Variants in SUGCT observed in about 807,000 individuals in gnomAD.
SUGCT encodes the protein succinyl-CoA:glutarate-CoA transferase.
In SUGCT, 41 loss-of-function variants were observed where a neutral mutation model predicts 55.0. The ratio of observed to expected loss-of-function variants is 0.74; its 90% CI spans 0.58 to 0.97. The LOEUF (loss-of-function observed/expected upper bound fraction) is 0.97. Among genes scored for constraint, SUGCT ranks in the 50% least tolerant of loss-of-function variants. The pLI, the probability that SUGCT is intolerant of heterozygous loss-of-function variation, is 0.00. For synonymous variants in SUGCT, 187 were observed against 200.4 expected (o/e 0.93, Z 0.56); for missense variants, 568 against 547.8 (o/e 1.04, Z -0.37).
intron 12 of SUGCT, among the ~76,000 whole-genome samples, chr7:40,510,295 GAT>G (rs1310079209): frequency 2.6e-5 from 4 of 151,998 alleles, no homozygotes; most frequent in African/African-American, 7.3e-5. Flanking sequence ...GAGAAAATCT[GAT>G]ATAGAGGAAT....
intron 12 of SUGCT, among the ~76,000 whole-genome samples, chr7:40,707,434 T>C (rs1025387044): frequency 5.3e-5 from 8 of 152,156 alleles, no homozygotes; most frequent in African/African-American, 1.4e-4. Context: ...CTACAGGAAA[T>C]TGGGCTGCAA....
At chr7:40,354,620 G>T (rs560893964) in intron 9 of SUGCT, among the ~76,000 whole-genome samples, 1 of 144,406 alleles carries the variant, frequency 6.9e-6, no homozygotes, top group African/African-American at 2.6e-5. Flanking sequence ...AAGTAGAGAA[G>T]GCTGAGGATA....
At chr7:40,999,243 A>G in the SUGCT span, among the ~76,000 whole-genome samples, 58 of 151,356 alleles carry the variant, frequency 3.8e-4, no homozygotes, top group African/African-American at 1.4e-3. Context: ...ATTTTAAAGT[A>G]TTCTTCTTGT....
chr7:40,722,000 A>G (rs1214781224), intron 12 of SUGCT, among the ~76,000 whole-genome samples: 1 of 152,220 alleles, frequency 6.6e-6, no homozygotes, highest in Non-Finnish European at 1.5e-5. Context: ...GAAACCTTCA[A>G]CCAAAGGAAG....
the SUGCT span, among the ~76,000 whole-genome samples, chr7:40,931,132 G>T: frequency 2.0e-5 from 3 of 152,274 alleles, no homozygotes; most frequent in South Asian, 6.2e-4. Flanking sequence ...TTAGCATGAA[G>T]GGCAGTTGAA....
intron 12 of SUGCT, among the ~76,000 whole-genome samples, chr7:40,614,226 G>A (rs1391087872): frequency 6.6e-6 from 1 of 152,008 alleles, no homozygotes; most frequent in Admixed American, 6.6e-5. Flanking sequence ...TTCGAGAAGA[G>A]GACACATTCT....
intron 12 of SUGCT, chr7:40,539,652 G>A (rs752086637): frequency 1.3e-5 from 2 of 152,264 alleles, no homozygotes; most frequent in East Asian, 3.9e-4. Flanking sequence ...CTCTTCTTTG[G>A]ACTCCAATGT....
intron 13 of SUGCT, among the ~76,000 whole-genome samples, chr7:40,831,129 C>T (rs1411768969): frequency 3.3e-5 from 5 of 152,138 alleles, no homozygotes; most frequent in African/African-American, 4.8e-5. Context: ...CCTCATGCCA[C>T]GGCCTGTGCT....
At chr7:40,422,527 T>A (rs1331940973) in intron 9 of SUGCT, among the ~76,000 whole-genome samples, 5 of 152,164 alleles carry the variant, frequency 3.3e-5, no homozygotes, top group Admixed American at 3.3e-4. Context: ...ATGTCTTTTT[T>A]CTTTACTTAG....
At chr7:40,390,432 C>T (rs1433072976) in intron 9 of SUGCT, among the ~76,000 whole-genome samples, 4 of 152,180 alleles carry the variant, frequency 2.6e-5, no homozygotes, top group Non-Finnish European at 4.4e-5. Context: ...GCAACTTCAG[C>T]AAAGTCTCAG....
chr7:41,007,027 A>G, the SUGCT span, among the ~76,000 whole-genome samples: 9,767 of 152,202 alleles, frequency 0.064, 579 homozygotes, highest in South Asian at 0.19. Context: ...TTAAAGAAGA[A>G]GGGCCTCAGA....
At chr7:40,956,660 C>G in the SUGCT span, among the ~76,000 whole-genome samples, 1 of 124,004 alleles carries the variant, frequency 8.1e-6, no homozygotes, top group South Asian at 2.8e-4. Flanking sequence ...TTGTCTTCTT[C>G]TAGGTTTGGA....
At chr7:40,997,376 C>T in the SUGCT span, among the ~76,000 whole-genome samples, 54,422 of 151,952 alleles carry the variant, frequency 0.36, 10,538 homozygotes, top group South Asian at 0.45. Flanking sequence ...ACAGCAGCCC[C>T]GCTGTCAGCT....
At position 40,704,689 on chromosome 7, in the gene SUGCT, A is replaced by G. The variant is rs1240235938; in HGVS notation, c.1090-44745A>G. ...TTAGGGAAGGTTTTGTCGTTTTTGT[A>G]TTGAATTATAATAAGAATAACAACG... On this transcript the variant is annotated intron_variant, in intron 12 of 13. Transcript: ENST00000335693. Among the ~76,000 whole-genome samples the G allele has an allele frequency of 2.6e-5, 4 of 152,316 alleles. No homozygotes were observed. In the East Asian group the frequency reaches 7.7e-4, roughly 29 times the overall value.
At chr7:40,202,070 C>T (rs1034977871) in intron 6 of SUGCT, among the ~76,000 whole-genome samples, 19 of 152,092 alleles carry the variant, frequency 1.2e-4, no homozygotes, top group Admixed American at 6.6e-4. Context: ...GCTTCCCAGG[C>T]TCAAATCATC....
intron 13 of SUGCT, among the ~76,000 whole-genome samples, chr7:40,751,548 A>G (rs1788012842): frequency 6.6e-6 from 1 of 152,238 alleles, no homozygotes; most frequent in Admixed American, 6.5e-5. Flanking sequence ...TGATATTTAT[A>G]CAGTAAAACT....
intron 8 of SUGCT, among the ~76,000 whole-genome samples, chr7:40,299,660 T>C (rs1794407303): frequency 6.8e-6 from 1 of 147,108 alleles, no homozygotes; most frequent in African/African-American, 2.5e-5. Flanking sequence ...AAAAAAAAAA[T>C]TAATGAACTA....
chr7:40,361,173 A>G (rs981576364), intron 9 of SUGCT, among the ~76,000 whole-genome samples: 1 of 152,124 alleles, frequency 6.6e-6, no homozygotes, highest in African/African-American at 2.4e-5. Flanking sequence ...TTCTAGTGCT[A>G]TGGGTGCTTC....
intron 13 of SUGCT, among the ~76,000 whole-genome samples, chr7:40,791,585 A>T (rs549560499): frequency 6.6e-6 from 1 of 152,314 alleles, no homozygotes; most frequent in South Asian, 2.1e-4. Context: ...GAAAGATGAT[A>T]GTTTGAGGAA....
Sources: allele counts gnomAD v4.1 joint callset (sites outside exome capture counted in the v4.1 genomes callset), GRCh38; gene constraint gnomAD v4.1.1; transcripts MANE v1.5; gene names NCBI Gene and HGNC (gene_info 2026-07-23, HGNC 2026-07-21).